TEX11: variants seen among roughly 807,000 people sequenced by gnomAD.
TEX11 encodes the protein testis-expressed protein 11.
In TEX11, 7 loss-of-function variants were observed where a neutral mutation model predicts 84.4. The ratio of observed to expected loss-of-function variants is 0.08; its 90% CI spans 0.05 to 0.16. The LOEUF is 0.16. TEX11 is among the 10% of genes least tolerant of loss of function. The pLI is 1.00. For missense variants in TEX11, 551 were observed against 660.5 expected, an observed-to-expected ratio of 0.83 and a Z score of 1.82; for synonymous variants, 264 against 222.8, an observed-to-expected ratio of 1.18 and a Z score of -1.64.
intron 13 of TEX11, among the ~76,000 whole-genome samples, chrX:70,718,799 C>A (rs760501615): frequency 8.1e-5 from 9 of 111,442 alleles, no homozygotes; most frequent in Admixed American, 7.7e-4. Flanking sequence ...GACTAGTCAA[C>A]ATTGGGCTAT....
chrX:70,668,719 C>T (rs1415287133), intron 16 of TEX11, among the ~76,000 whole-genome samples: 1 of 112,263 alleles, frequency 8.9e-6, no homozygotes, highest in Admixed American at 9.4e-5. Context: ...TAGGACCAAA[C>T]TTGACATTAG....
At chrX:70,573,147 A>G (rs1164112511) in intron 25 of TEX11, among the ~76,000 whole-genome samples, 2 of 111,210 alleles carry the variant, frequency 1.8e-5, no homozygotes, top group African/African-American at 3.3e-5. Context: ...ATATATCACC[A>G]TAAGTATCTG....
chrX:70,718,749 C>T (rs1391381344), intron 13 of TEX11, among the ~76,000 whole-genome samples: 3 of 111,710 alleles, frequency 2.7e-5, no homozygotes, highest in African/African-American at 9.8e-5. Context: ...GCTACCACAC[C>T]CAAGGTCATT....
rs767393254 is a variant in TEX11, at chrX:70,552,264, A to G, written c.2400-18T>C. ...TACATTTGCTGAAAATCAAAAAGAG[A>G]AAACTCATCCCATAAGGAAAGAAAT... On this transcript the variant is annotated intron_variant, in intron 27 of 29. Transcript: ENST00000374333. 1 of 1,201,990 alleles carries G rather than the reference A, an allele frequency of 8.3e-7. No homozygotes were observed. The highest frequency in any genetic ancestry group is 1.1e-6 in the Non-Finnish European group (1 of 892,041).
the TEX11 span, among the ~76,000 whole-genome samples, chrX:70,522,707 A>ATT: frequency 5.2e-5 from 5 of 95,412 alleles, no homozygotes; most frequent in African/African-American, 1.9e-4. Flanking sequence ...CCAATTTTGT[A>ATT]TTTTTTTTTT....
At chrX:70,711,096 T>A (rs1241992442) in intron 13 of TEX11, among the ~76,000 whole-genome samples, 2 of 111,038 alleles carry the variant, frequency 1.8e-5, no homozygotes, top group Non-Finnish European at 3.8e-5. Context: ...GCTTCATCCA[T>A]GTCCCTACAA....
At chrX:70,539,978 T>C (rs947338277) in intron 28 of TEX11, among the ~76,000 whole-genome samples, 2 of 111,862 alleles carry the variant, frequency 1.8e-5, no homozygotes, top group Non-Finnish European at 3.8e-5. Flanking sequence ...GTATCAATGA[T>C]GGAGGTCAAG....
At chrX:70,675,712 A>G (rs1407893405) in intron 15 of TEX11, among the ~76,000 whole-genome samples, 1 of 110,238 alleles carries the variant, frequency 9.1e-6, no homozygotes, top group Non-Finnish European at 1.9e-5. Flanking sequence ...TCATTGCAAC[A>G]TCTGCCTCCT....
chrX:70,748,563 T>G (rs1044655269), intron 9 of TEX11, among the ~76,000 whole-genome samples: 24 of 110,289 alleles, frequency 2.2e-4, no homozygotes, highest in Non-Finnish European at 3.8e-4. Context: ...GGTCTAACAT[T>G]TAAGTCTTTA....
intron 25 of TEX11, among the ~76,000 whole-genome samples, chrX:70,568,753 T>C (rs1453766693): frequency 5.4e-5 from 6 of 111,947 alleles, no homozygotes; most frequent in Non-Finnish European, 5.6e-5. Context: ...TTCTGGCTTT[T>C]AGAGTTTCTG....
intron 2 of TEX11, chrX:70,897,648 GA>G (rs1412371358): frequency 3.1e-4 from 28 of 89,813 alleles, no homozygotes; most frequent in African/African-American, 1.2e-3. Context: ...AGGAAGGAAG[GA>G]AGGAAGGAAG....
chrX:70,611,173 G>T (rs186537017), intron 20 of TEX11, among the ~76,000 whole-genome samples: 1 of 112,221 alleles, frequency 8.9e-6, no homozygotes, highest in Admixed American at 9.5e-5. Flanking sequence ...GAGAACTTCC[G>T]GTTTCTAGTT....
chrX:70,552,796 G>A (rs1449029784), intron 27 of TEX11, among the ~76,000 whole-genome samples: 1 of 111,806 alleles, frequency 8.9e-6, no homozygotes, highest in East Asian at 2.8e-4. Context: ...AACATAGCAA[G>A]ATGTTAACAT....
intron 16 of TEX11, among the ~76,000 whole-genome samples, chrX:70,660,755 G>C (rs1206269868): frequency 8.9e-6 from 1 of 112,485 alleles, no homozygotes; most frequent in Admixed American, 9.4e-5. Flanking sequence ...GCAATAAAAG[G>C]CTGGGCGAGG....
intron 2 of TEX11, among the ~76,000 whole-genome samples, chrX:70,903,000 G>A (rs1212901416): frequency 9.0e-6 from 1 of 110,574 alleles, no homozygotes; most frequent in Non-Finnish European, 1.9e-5. Context: ...TACATTATTA[G>A]CCTAGGCCTA....
At chrX:70,546,657 GA>G (rs752864183) in intron 28 of TEX11, among the ~76,000 whole-genome samples, 1 of 110,630 alleles carries the variant, frequency 9.0e-6, no homozygotes, top group Non-Finnish European at 1.9e-5. Context: ...AGCCATCAAG[GA>G]AATATAAATC....
intron 9 of TEX11, among the ~76,000 whole-genome samples, chrX:70,774,051 A>C (rs2090986994): frequency 9.1e-6 from 1 of 110,110 alleles, no homozygotes; most frequent in Non-Finnish European, 1.9e-5. Flanking sequence ...GAAACCACAC[A>C]ACAGCACTGT....
At chrX:70,520,776 C>T in the TEX11 span, among the ~76,000 whole-genome samples, 1 of 112,039 alleles carries the variant, frequency 8.9e-6, no homozygotes, top group African/African-American at 3.2e-5. Flanking sequence ...CCTCATTGAG[C>T]TGTGGTGGGC....
intron 7 of TEX11, among the ~76,000 whole-genome samples, chrX:70,836,151 C>G (rs1434549166): frequency 3.7e-5 from 4 of 107,682 alleles, no homozygotes; most frequent in Non-Finnish European, 7.7e-5. Flanking sequence ...AATGGCAATA[C>G]TCCCCGAGTT....
Sources: gnomAD v4.1 joint callset for allele counts (sites outside exome capture counted in the v4.1 genomes callset) on GRCh38, gnomAD v4.1.1 for gene constraint, MANE v1.5 for transcripts, NCBI Gene and HGNC (gene_info 2026-07-23, HGNC 2026-07-21) for gene names.